FBXL18: variants seen among roughly 807,000 people sequenced by gnomAD.
The protein encoded by FBXL18 is F-box/LRR-repeat protein 18.
A neutral mutation model predicts 46.0 loss-of-function variants in FBXL18; 36 were observed. That is an observed-to-expected ratio of 0.78 (90% CI 0.60 to 1.03). The LOEUF is 1.03. Among genes scored for constraint, FBXL18 ranks in the 50% least tolerant of loss-of-function variants. The pLI is 0.00. For missense variants in FBXL18, 977 were observed against 1,004.1 expected (o/e 0.97, Z 0.36); for synonymous variants, 557 against 465.3 (o/e 1.20, Z -2.54).
At chr7:5,458,074 T>TA (rs34956995) in intron 4 of FBXL18, among the ~76,000 whole-genome samples, 21,685 of 144,472 alleles carry the variant, frequency 0.15, 1,639 homozygotes, top group South Asian at 0.27. Context: ...TTCACTTCCT[T>TA]AAAAAAAAAA....
In FBXL18 at chr7:5,461,874, G is replaced by C. The variant is rs373728498; in HGVS notation, c.2001-14031C>G. Among the ~76,000 whole-genome samples, 3 of 152,298 alleles carry C rather than the reference G, an allele frequency of 2.0e-5. No individual in the cohort carries two copies. The East Asian group carries it at 5.8e-4, about 29-fold the overall frequency. On this transcript the variant is annotated intron_variant and NMD_transcript_variant, in intron 4 of 6. Coordinates refer to the FBXL18 transcript ENST00000415009. ...GAGAATCACTTGAGCTTGGGAGGCA[G>C]AGGTTGCAGTGAGCCGAGATCATGC... is the stretch of plus-strand genomic sequence containing the variant.
At chr7:5,486,061 AAAAATAAATAAATAAAT>A (rs1562687919) in intron 4 of FBXL18, among the ~76,000 whole-genome samples, 2 of 89,076 alleles carry the variant, frequency 2.2e-5, no homozygotes, top group Admixed American at 1.3e-4. Flanking sequence ...TCTGTCTCAA[AAAAATAAATAAATAAAT>A]AAATAAATAA....
chr7:5,484,238 C>T (rs924230769), intron 4 of FBXL18, among the ~76,000 whole-genome samples: 2 of 152,164 alleles, frequency 1.3e-5, no homozygotes, highest in Middle Eastern at 3.4e-3. Context: ...GAGGCCAAGG[C>T]GGGTGGATCA....
rs1003351577 is a variant in FBXL18 at position 5,491,287 on chromosome 7, C to T, written c.1944G>A (p.Leu648=). 6.2e-7 allele frequency: 1 copy of T among 1,613,148 alleles called. No individual in the cohort carries two copies. Among genetic ancestry groups the T allele is most frequent in the Non-Finnish European group, 8.5e-7 (1 of 1,179,888 alleles). ...ARCLQVVMCH[L]FTGESLATCK... ...AGGTGGCGAGGGACTCCCCGGTGAA[C>T]AGGTGGCACATGACAACCTGCAGGC... Residue 648 remains leucine, a synonymous_variant, in exon 4 of 5, where the codon CTG becomes CTA. Transcript: ENST00000382368.
At chr7:5,460,741 C>T (rs1411311876) in intron 4 of FBXL18, among the ~76,000 whole-genome samples, 2 of 152,220 alleles carry the variant, frequency 1.3e-5, no homozygotes, top group Non-Finnish European at 2.9e-5. Flanking sequence ...CCGTGAGCCA[C>T]CATGCCCAGA....
intron 3 of FBXL18, among the ~76,000 whole-genome samples, chr7:5,498,654 C>T (rs1212301200): frequency 1.3e-5 from 2 of 152,170 alleles, no homozygotes; most frequent in Admixed American, 1.3e-4. Context: ...ACTGCAACCT[C>T]TGCCTCCCGG....
At position 5,499,852 on chromosome 7, in the gene FBXL18, A is replaced by G. The variant is rs532758338; in HGVS notation, c.1781+636T>C. ...AGATGGAGGATCACTTAAGCCCAGG[A>G]GTTCAAGACCAGTCTGGGCAACATA... On this transcript the variant is annotated intron_variant, in intron 3 of 4. Transcript: ENST00000382368. Among the ~76,000 whole-genome samples the G allele has an allele frequency of 4.6e-5, 7 of 152,026 alleles. No homozygotes were observed. The East Asian group carries it at 1.2e-3, about 25-fold the overall frequency.
intron 4 of FBXL18, among the ~76,000 whole-genome samples, chr7:5,459,099 G>C (rs1783210146): frequency 6.6e-6 from 1 of 152,184 alleles, no homozygotes; most frequent in Non-Finnish European, 1.5e-5. Flanking sequence ...GCTGCAGTGA[G>C]ACATGATCAT....
chr7:5,460,524 G>A (rs566379451), intron 4 of FBXL18, among the ~76,000 whole-genome samples: 3 of 152,276 alleles, frequency 2.0e-5, no homozygotes, highest in South Asian at 2.1e-4. Flanking sequence ...TGCGATCTCC[G>A]CTCACCGCAA....
chr7:5,489,159 G>A, intron 4 of FBXL18: 1 of 454,688 alleles, frequency 2.2e-6, no homozygotes, highest in Admixed American at 2.4e-5. Context: ...ACCCAGATGA[G>A]AGCCGTGAGG....
chr7:5,490,258 T>C, intron 4 of FBXL18: 2 of 1,279,020 alleles, frequency 1.6e-6, no homozygotes, highest in Non-Finnish European at 2.1e-6. Context: ...TGCTGCCCCC[T>C]TGGCCGGGCG....
intron 4 of FBXL18, among the ~76,000 whole-genome samples, chr7:5,469,326 C>T (rs751637113): frequency 7.9e-5 from 12 of 152,182 alleles, no homozygotes; most frequent in East Asian, 1.9e-4. Flanking sequence ...GCAGAAGAAT[C>T]GCTTGAACTC....
rs549828027 is a variant in FBXL18 at position 5,489,302 on chromosome 7, G to A, written c.2000+1929C>T. ...ATCTCCAGTTCATTCTCCAGGGAAA[G>A]TTGGCAGCATTCACTGTTGGGAAAC... On this transcript the variant is annotated intron_variant, in intron 4 of 4. Coordinates refer to ENST00000382368, the MANE Select transcript of FBXL18 (RefSeq NM_024963.6). 5.1e-4 allele frequency: 267 copies of A among 518,944 alleles called. 3 individuals are homozygous for A. The highest frequency in any genetic ancestry group is 3.2e-3 in the South Asian group (229 of 71,560). 32.1% of individuals were successfully genotyped at this position (518,944 alleles called of 1,614,324 possible). A position where few individuals can be genotyped will look rare whatever the true frequency, so the allele number is the denominator to read the frequency against.
chr7:5,469,737 G>A (rs1783399278), intron 4 of FBXL18, among the ~76,000 whole-genome samples: 1 of 152,082 alleles, frequency 6.6e-6, no homozygotes. Flanking sequence ...GGGGTGAGCA[G>A]AGGTGTGTCT....
At chr7:5,464,666 A>AAC (rs1318321807) in intron 4 of FBXL18, among the ~76,000 whole-genome samples, 1 of 137,484 alleles carries the variant, frequency 7.3e-6, no homozygotes, top group Non-Finnish European at 1.6e-5. Context: ...CTTATCTCAA[A>AAC]AAAAAAAAAA....
At chr7:5,463,156 G>A (rs939315576) in intron 4 of FBXL18, among the ~76,000 whole-genome samples, 2 of 150,882 alleles carry the variant, frequency 1.3e-5, no homozygotes, top group African/African-American at 4.9e-5. Flanking sequence ...AACAGCAAGT[G>A]TTGGCAAGCA....
downstream of FBXL18, among the ~76,000 whole-genome samples, chr7:5,475,484 C>A (rs143664859): frequency 6.6e-6 from 1 of 152,312 alleles, no homozygotes; most frequent in Non-Finnish European, 1.5e-5. The surrounding 1 kb of genome is among the most constrained non-coding windows in gnomAD (Gnocchi z 4.2). Flanking sequence ...GTAGCCTGCA[C>A]AACCGTGCCA....
At chr7:5,458,617 A>G (rs1783203694) in intron 4 of FBXL18, among the ~76,000 whole-genome samples, 1 of 152,008 alleles carries the variant, frequency 6.6e-6, no homozygotes, top group African/African-American at 2.4e-5. Flanking sequence ...AGTATCGCTT[A>G]ACTCGGGAGG....
intron 4 of FBXL18, among the ~76,000 whole-genome samples, chr7:5,488,287 G>T (rs1783826716): frequency 6.6e-6 from 1 of 152,220 alleles, no homozygotes; most frequent in Non-Finnish European, 1.5e-5. Context: ...CAGAGCAGGG[G>T]CTGGCATCCG....
Sources: gnomAD v4.1 joint callset for allele counts (sites outside exome capture counted in the v4.1 genomes callset) on GRCh38, gnomAD v4.1.1 for gene constraint, Gnocchi (gnomAD v3.1) non-coding constraint, MANE v1.5 for transcripts, NCBI Gene and HGNC (gene_info 2026-07-23, HGNC 2026-07-21) for gene names.